NLRP9: variants seen among roughly 807,000 people sequenced by gnomAD.
NLRP9 encodes NACHT, LRR and PYD domains-containing protein 9.
A neutral mutation model predicts 83.1 loss-of-function variants in NLRP9; 88 were observed. The ratio of observed to expected loss-of-function variants is 1.06; its 90% confidence interval spans 0.89 to 1.26. NLRP9 has a LOEUF of 1.26. NLRP9 is among the 50% of genes most tolerant of loss of function. NLRP9 has a pLI of 0.00. For missense variants in NLRP9, 1,308 were observed against 1,179.3 expected (o/e 1.11, Z -1.60); for synonymous variants, 521 against 447.6 (o/e 1.16, Z -2.07).
chr19:55,732,145 C>T lies in NLRP9; in HGVS notation c.1686G>A (p.Met562Ile), dbSNP rs866482251. ...TQEKEFVTKV[M>I]NFFEEVFIYI... is the part of the protein sequence containing the mutation. ...AAATGAAAACTTCTTCAAAGAAATT[C>T]ATCACTTTGGTTACAAATTCTTTTT... is the stretch of plus-strand genomic sequence containing the variant. The change falls in exon 2 of 9, where the codon ATG becomes ATA. Residue 562 changes from methionine (M) to isoleucine (I), a missense_variant. Transcript: ENST00000332836. The T allele has an allele frequency of 2.9e-5, 47 of 1,613,028 alleles. No homozygotes were observed. Among genetic ancestry groups the T allele is most frequent in the Non-Finnish European group, 3.8e-5 (45 of 1,179,662 alleles).
At chr19:55,717,009 T>C in intron 4 of NLRP9, 111 bp from the exon 5 acceptor site, 1 of 756,414 alleles carries the variant, frequency 1.3e-6, no homozygotes, top group Non-Finnish European at 2.2e-6. Context: ...TGCCGATCCA[T>C]TATCTACACT....
At chr19:55,714,351 T>C (rs1600127613) in intron 6 of NLRP9, among the ~76,000 whole-genome samples, 1 of 151,566 alleles carries the variant, frequency 6.6e-6, no homozygotes, top group Non-Finnish European at 1.5e-5. Flanking sequence ...TAGTCCTTCA[T>C]GTGTGTGATT....
In NLRP9 at chr19:55,708,696, A is replaced by G; in HGVS notation, c.*216T>C. On this transcript the variant is annotated 3_prime_UTR_variant, in exon 9 of 9. Coordinates refer to ENST00000332836, the MANE Select transcript of NLRP9 (RefSeq NM_176820.4). Reference sequence around the variant, plus strand: ...TCTAAATATCACAAGGCAGGATGGGATTTCTAAAGACAAGGGGATATAGGA... The same window carrying G: ...TCTAAATATCACAAGGCAGGATGGGGTTTCTAAAGACAAGGGGATATAGGA... The G allele has an allele frequency of 2.6e-6, 1 of 389,658 alleles. No homozygotes were observed. The highest frequency in any genetic ancestry group is 3.8e-5 in the East Asian group (1 of 26,620). The allele number at this position is 389,658 out of a possible 1,614,324, so 24.1% of individuals were successfully genotyped here.
intron 3 of NLRP9, among the ~76,000 whole-genome samples, chr19:55,728,779 C>T (rs115065746): frequency 5.3e-5 from 8 of 152,192 alleles, no homozygotes; most frequent in African/African-American, 1.9e-4. Flanking sequence ...GCAAGTCTTC[C>T]GTGATGACAT....
intron 4 of NLRP9, among the ~76,000 whole-genome samples, chr19:55,721,858 C>A (rs1988235926): frequency 6.6e-6 from 1 of 152,212 alleles, no homozygotes; most frequent in Non-Finnish European, 1.5e-5. Flanking sequence ...TTGTCTGCCG[C>A]CATGTGAGAT....
intron 4 of NLRP9, among the ~76,000 whole-genome samples, chr19:55,719,822 A>G (rs531336406): frequency 6.6e-6 from 1 of 152,330 alleles, no homozygotes; most frequent in Non-Finnish European, 1.5e-5. Context: ...TTTAAGCAGG[A>G]TAAACACAAA....
chr19:55,735,532 T>C (rs562158872), intron 1 of NLRP9, among the ~76,000 whole-genome samples: 3 of 152,334 alleles, frequency 2.0e-5, no homozygotes, highest in South Asian at 2.1e-4. Flanking sequence ...TGTGTCTGTA[T>C]TACTCTACAT....
At chr19:55,728,591 AAAC>A (rs894886106) in intron 3 of NLRP9, among the ~76,000 whole-genome samples, 31 of 152,248 alleles carry the variant, frequency 2.0e-4, no homozygotes, top group African/African-American at 6.5e-4. Context: ...AACAACAACA[AAAC>A]AAAAACAAAC....
intron 6 of NLRP9, among the ~76,000 whole-genome samples, chr19:55,713,592 C>T: frequency 1.4e-5 from 2 of 138,942 alleles, no homozygotes; most frequent in Non-Finnish European, 3.2e-5. Flanking sequence ...TCCTCCCCTC[C>T]TCCTCCTCTC....
chr19:55,718,628 C>T (rs1461393256), intron 4 of NLRP9, among the ~76,000 whole-genome samples: 1 of 152,202 alleles, frequency 6.6e-6, no homozygotes, highest in Non-Finnish European at 1.5e-5. Flanking sequence ...TTCCTTCGCT[C>T]ACATGTTTCT....
intron 8 of NLRP9, among the ~76,000 whole-genome samples, chr19:55,710,851 T>A (rs555123700): frequency 6.6e-6 from 1 of 152,268 alleles, no homozygotes; most frequent in Non-Finnish European, 1.5e-5. Context: ...TTTGAGAGGC[T>A]GAGGCAGGTG....
chr19:55,734,618 CACATATAT>C (rs1444058264), intron 1 of NLRP9, among the ~76,000 whole-genome samples: 1 of 95,072 alleles, frequency 1.1e-5, no homozygotes, highest in African/African-American at 3.9e-5. Flanking sequence ...CACACACACA[CACATATAT>C]ATATATATAT....
chr19:55,712,828 G>T (rs540595353), intron 6 of NLRP9, among the ~76,000 whole-genome samples: 1 of 17,602 alleles, frequency 5.7e-5, no homozygotes, highest in East Asian at 1.0e-3. Context: ...GGAGTGGGAG[G>T]GGAAGAAGAG....
At chr19:55,723,952 G>T in intron 4 of NLRP9, 28 bp downstream of exon 4, 3 of 1,579,964 alleles carry the variant, frequency 1.9e-6, no homozygotes, top group Non-Finnish European at 2.6e-6. Context: ...GAAAGAAACA[G>T]CACTCGGCAT....
Position 55,715,160 on chromosome 19 carries a change from T to C in NLRP9, c.2396A>G (p.Lys799Arg). 6.2e-7 allele frequency: 1 copy of C among 1,613,360 alleles called. No individual in the cohort carries two copies. Among genetic ancestry groups the C allele is most frequent in the Non-Finnish European group, 8.5e-7 (1 of 1,179,872 alleles). The change falls in exon 6 of 9, where the codon AAG (lysine) becomes AGG (arginine). Residue 799 changes from lysine (K) to arginine (R), a missense_variant. Coordinates refer to ENST00000332836, the MANE Select transcript of NLRP9 (RefSeq NM_176820.4). ...GCCCAGATCGAGGAGGGACAGGGAC[T>C]TACTGCACAAGAGGACTTCGGAAAT... ...DSISEVLLCS[K>R]SLSLLDLGSN...
At chr19:55,710,375 T>C (rs1202544300) in intron 8 of NLRP9, among the ~76,000 whole-genome samples, 1 of 152,122 alleles carries the variant, frequency 6.6e-6, no homozygotes, top group Non-Finnish European at 1.5e-5. Flanking sequence ...TGGCCCCATC[T>C]CAGGGCCTTT....
At chr19:55,733,841 CA>C (rs1988685818) in intron 1 of NLRP9, among the ~76,000 whole-genome samples, 1 of 151,394 alleles carries the variant, frequency 6.6e-6, no homozygotes, top group Admixed American at 6.6e-5. Flanking sequence ...TGGATCTCCA[CA>C]ATCCTTTATC....
intron 3 of NLRP9, among the ~76,000 whole-genome samples, chr19:55,725,655 G>A (rs1267783815): frequency 6.6e-6 from 1 of 152,148 alleles, no homozygotes; most frequent in Non-Finnish European, 1.5e-5. Context: ...TGACAGGGCG[G>A]TGAGGTGTAC....
rs1600136116 is a variant in NLRP9 at position 55,724,104 on chromosome 19, TAAA to T, written c.2032_2034del (p.Phe678del). ...AGATGAGGGTTGTGAAGAACTGCCTTAAATAATTCTGAATCATGTCCAAAGTAC... is the reference window on the plus strand; with the variant it reads ...AGATGAGGGTTGTGAAGAACTGCCTTTAATTCTGAATCATGTCCAAAGTAC... On this transcript the variant is annotated inframe_deletion, in exon 4 of 9. Transcript: ENST00000332836. 6.2e-7 allele frequency: 1 copy of T among 1,613,326 alleles called. No individual in the cohort carries two copies. The highest frequency in any genetic ancestry group is 1.1e-5 in the South Asian group (1 of 91,000).
Sources: gnomAD v4.1 joint callset for allele counts (sites outside exome capture counted in the v4.1 genomes callset) on GRCh38, gnomAD v4.1.1 for gene constraint, MANE v1.5 for transcripts, NCBI Gene and HGNC (gene_info 2026-07-23, HGNC 2026-07-21) for gene names.